The following LRMDA variants were observed in gnomAD, a reference collection of about 807,000 sequenced individuals.
LRMDA encodes the protein leucine rich melanocyte differentiation associated, also known as leucine-rich melanocyte differentiation-associated protein.
Under a neutral mutation model 29.8 loss-of-function variants are expected in LRMDA, and 18 were observed. The ratio of observed to expected loss-of-function variants is 0.60; its 90% CI spans 0.42 to 0.90. The LOEUF is 0.90. Among genes scored for constraint, LRMDA ranks in the 40% least tolerant of loss-of-function variants. The pLI, the probability that LRMDA is intolerant of heterozygous loss-of-function variation, is 0.00. For missense variants in LRMDA, 273 were observed against 273.9 expected (o/e 1.00, Z 0.02); for synonymous variants, 125 against 109.4 (o/e 1.14, Z -0.89).
intron 2 of LRMDA, among the ~76,000 whole-genome samples, chr10:75,966,701 G>A (rs935979002): frequency 5.3e-5 from 8 of 152,192 alleles, no homozygotes; most frequent in African/African-American, 1.9e-4. Flanking sequence ...GGGGCTGAGG[G>A]GAATGTAGGA....
intron 2 of LRMDA, among the ~76,000 whole-genome samples, chr10:75,982,787 G>C (rs1847195527): frequency 6.6e-6 from 1 of 152,152 alleles, no homozygotes; most frequent in Non-Finnish European, 1.5e-5. Flanking sequence ...AAAGGAGAGA[G>C]AACTTAGAGA....
chr10:75,690,934 T>G (rs1382179471), intron 2 of LRMDA, among the ~76,000 whole-genome samples: 1 of 144,694 alleles, frequency 6.9e-6, no homozygotes, highest in East Asian at 2.1e-4. Flanking sequence ...GACCTATGAT[T>G]GAGCCATTGT....
chr10:75,606,700 G>A (rs1007809230), intron 2 of LRMDA, among the ~76,000 whole-genome samples: 2 of 152,106 alleles, frequency 1.3e-5, no homozygotes, highest in Admixed American at 6.5e-5. Context: ...TGAGTAAGTC[G>A]ATTGGCATGT....
At chr10:75,864,792 C>A (rs1250503455) in intron 2 of LRMDA, among the ~76,000 whole-genome samples, 41 of 152,232 alleles carry the variant, frequency 2.7e-4, no homozygotes, top group South Asian at 2.1e-4. Flanking sequence ...TGTTTTGAGG[C>A]TCTTTAGCAG....
At chr10:75,595,725 A>T (rs1222661550) in intron 2 of LRMDA, among the ~76,000 whole-genome samples, 1 of 151,798 alleles carries the variant, frequency 6.6e-6, no homozygotes, top group African/African-American at 2.4e-5. Flanking sequence ...TATATTTTTA[A>T]CACAAACTAG....
intron 5 of LRMDA, among the ~76,000 whole-genome samples, chr10:76,170,597 T>A (rs1460748164): frequency 6.6e-6 from 1 of 152,236 alleles, no homozygotes; most frequent in East Asian, 1.9e-4. Context: ...GAGATTTAAC[T>A]AATTCTGCCC....
At position 75,529,701 on chromosome 10, in the gene LRMDA, A is replaced by G. The variant is rs115865153; in HGVS notation, c.131+91207A>G. Among the ~76,000 whole-genome samples the G allele has an allele frequency of 2.2e-3, 333 of 152,352 alleles. 3 individuals carry two copies. Among genetic ancestry groups the G allele is most frequent in the African/African-American group, 7.9e-3 (329 of 41,572 alleles). Reference sequence around the variant, plus strand: ...TTGGCTAAGAAATTGTTATTGAATTATCAGTAGAGAATTCTTAACTCCTGG... The same window carrying G: ...TTGGCTAAGAAATTGTTATTGAATTGTCAGTAGAGAATTCTTAACTCCTGG... On this transcript the variant is annotated intron_variant, in intron 2 of 6. Coordinates refer to ENST00000611255, the MANE Select transcript of LRMDA (RefSeq NM_001305581.2).
chr10:75,840,735 T>C (rs1327635789), intron 2 of LRMDA, among the ~76,000 whole-genome samples: 3 of 152,252 alleles, frequency 2.0e-5, no homozygotes, highest in Admixed American at 1.3e-4. Flanking sequence ...GAATAACTTA[T>C]AATTTTACAG....
At chr10:76,313,816 A>C (rs2132381977) in intron 5 of LRMDA, among the ~76,000 whole-genome samples, 1 of 152,162 alleles carries the variant, frequency 6.6e-6, no homozygotes, top group Non-Finnish European at 1.5e-5. Flanking sequence ...CAATCACTTA[A>C]TTGTCACAGA....
intron 2 of LRMDA, among the ~76,000 whole-genome samples, chr10:76,002,443 T>G (rs1847577779): frequency 6.6e-6 from 1 of 152,220 alleles, no homozygotes; most frequent in Non-Finnish European, 1.5e-5. Context: ...GGCTGTGGGT[T>G]TCACATCCCA....
chr10:76,394,527 A>C (rs1028235788), intron 6 of LRMDA, among the ~76,000 whole-genome samples: 4 of 151,968 alleles, frequency 2.6e-5, no homozygotes, highest in Non-Finnish European at 5.9e-5. Flanking sequence ...TGGTTTGTTG[A>C]CTCTGGGGTT....
rs547311994 is a variant in LRMDA at position 75,815,356 on chromosome 10, G to A, written c.132-220652G>A. The stretch of plus-strand genomic sequence containing the variant: ...TTGAATCTCTGGTGTCTAGCATGGG[G>A]CAGCATAGAGTAATAATTACAGTTG... On this transcript the variant is annotated intron_variant, in intron 2 of 6. Transcript: ENST00000611255. 2.0e-5 allele frequency among the ~76,000 whole-genome samples: 3 copies of A among 152,334 alleles called. No individual in the cohort carries two copies. The East Asian group carries it at 5.8e-4, about 29-fold the overall frequency.
At chr10:76,099,521 A>G (rs1049151969) in intron 5 of LRMDA, among the ~76,000 whole-genome samples, 5 of 144,314 alleles carry the variant, frequency 3.5e-5, no homozygotes, top group African/African-American at 1.3e-4. Context: ...GATATTCTTT[A>G]CTAGTGTAAG....
intron 2 of LRMDA, among the ~76,000 whole-genome samples, chr10:75,906,418 T>G (rs1192101853): frequency 2.0e-5 from 3 of 152,204 alleles, no homozygotes; most frequent in Non-Finnish European, 4.4e-5. Flanking sequence ...GTGAGGTATC[T>G]TGCTTGTGGT....
chr10:75,437,568 T>C (rs1844275472), intron 1 of LRMDA, among the ~76,000 whole-genome samples: 2 of 152,158 alleles, frequency 1.3e-5, no homozygotes, highest in South Asian at 4.1e-4. Flanking sequence ...TCTGTAAAAA[T>C]GGGTTCCAAA....
chr10:76,219,377 G>T (rs941257868), intron 5 of LRMDA, among the ~76,000 whole-genome samples: 9 of 152,054 alleles, frequency 5.9e-5, no homozygotes, highest in Non-Finnish European at 1.3e-4. Flanking sequence ...CCCATCTCAC[G>T]TGCAGAGACA....
At chr10:75,436,074 AG>A (rs139930313) in intron 1 of LRMDA, among the ~76,000 whole-genome samples, 2,468 of 92,318 alleles carry the variant, frequency 0.027, 20 homozygotes, top group Non-Finnish European at 0.056. Flanking sequence ...AAAAAAAAAA[AG>A]AGAGAGAGAA....
At chr10:76,167,767 A>G (rs4362088) in intron 5 of LRMDA, among the ~76,000 whole-genome samples, 24,677 of 152,116 alleles carry the variant, frequency 0.16, 2,748 homozygotes, top group East Asian at 0.52. Context: ...GAATTTTAAA[A>G]TAGTTTCTTG....
chr10:76,082,374 A>C (rs1363766882), intron 5 of LRMDA, among the ~76,000 whole-genome samples: 1 of 152,146 alleles, frequency 6.6e-6, no homozygotes, highest in Non-Finnish European at 1.5e-5. Context: ...TGTCTTCTAA[A>C]TGGTTGCATC....
Sources: gnomAD v4.1 joint callset for allele counts (sites outside exome capture counted in the v4.1 genomes callset) on GRCh38, gnomAD v4.1.1 for gene constraint, MANE v1.5 for transcripts, NCBI Gene and HGNC (gene_info 2026-07-23, HGNC 2026-07-21) for gene names.